KIAA1614: variants seen among roughly 807,000 people sequenced by gnomAD.
The protein encoded by KIAA1614 is KIAA1614.
Under a neutral mutation model 88.7 loss-of-function variants are expected in KIAA1614, and 76 were observed. That is an observed-to-expected ratio of 0.86 (90% CI 0.71 to 1.04). KIAA1614 has a LOEUF of 1.04. KIAA1614 is among the 50% of genes least tolerant of loss of function. The pLI is 0.00. For missense variants in KIAA1614, 1,553 were observed against 1,582.5 expected (o/e 0.98, Z 0.32); for synonymous variants, 714 against 675.5 (o/e 1.06, Z -0.88).
intron 4 of KIAA1614, among the ~76,000 whole-genome samples, chr1:180,932,428 A>G (rs1357647359): frequency 1.3e-5 from 2 of 152,246 alleles, no homozygotes; most frequent in South Asian, 2.1e-4. Context: ...AAAGATAAAT[A>G]TGTCATTCTA....
Position 180,913,117 on chromosome 1 carries a change from C to T in KIAA1614, c.-127C>T, listed in dbSNP as rs1653691595. 6 of 671,538 alleles carry T rather than the reference C, an allele frequency of 8.9e-6. No homozygotes were observed. Among genetic ancestry groups the T allele is most frequent in the Admixed American group, 4.5e-5 (1 of 22,212 alleles). The allele number at this position is 671,538 out of a possible 1,614,324, so 41.6% of individuals were successfully genotyped here. ...GTCCCGGACCCCCAGTCGGCCGCGCCCCGAGGGGCGAGGCCTGCGGGCCGC... is the reference window on the plus strand; with the variant it reads ...GTCCCGGACCCCCAGTCGGCCGCGCTCCGAGGGGCGAGGCCTGCGGGCCGC... On this transcript the variant is annotated 5_prime_UTR_variant, in exon 1 of 9. Coordinates refer to ENST00000367588, the MANE Select transcript of KIAA1614 (RefSeq NM_020950.2).
Position 180,916,946 on chromosome 1 carries a change from G to A in KIAA1614, c.843G>A (p.Leu281=). 6.2e-7 allele frequency: 1 copy of A among 1,614,250 alleles called. No individual in the cohort carries two copies. Among genetic ancestry groups the A allele is most frequent in the Non-Finnish European group, 8.5e-7 (1 of 1,180,052 alleles). The change falls in exon 2 of 9, where the codon CTG becomes CTA. Residue 281 remains leucine, a synonymous_variant. Coordinates refer to ENST00000367588, the MANE Select transcript of KIAA1614 (RefSeq NM_020950.2). ...LLGERWRAGD[L]EALGAGSSVL... ...GTGAGCGCTGGAGAGCTGGAGACCT[G>A]GAGGCTCTGGGCGCTGGGAGCAGTG... is the stretch of plus-strand genomic sequence containing the variant.
At chr1:180,930,368 G>A (rs372092155) in intron 4 of KIAA1614, among the ~76,000 whole-genome samples, 2 of 151,132 alleles carry the variant, frequency 1.3e-5, no homozygotes, top group African/African-American at 2.4e-5. Flanking sequence ...GCAGCGAGCC[G>A]AGATCACACC....
intron 7 of KIAA1614, among the ~76,000 whole-genome samples, chr1:180,943,028 G>T (rs59005734): frequency 0.2 from 2,854 of 14,076 alleles, 113 homozygotes; most frequent in African/African-American, 0.35. Context: ...AGTTTTTTGG[G>T]TTTTTTTTTT....
chr1:180,921,034 C>T (rs1162857169), intron 3 of KIAA1614, among the ~76,000 whole-genome samples: 2 of 152,250 alleles, frequency 1.3e-5, no homozygotes, highest in African/African-American at 2.4e-5. Context: ...CACGCACGTC[C>T]GTGTGAAAAG....
At chr1:180,942,640 T>G (rs556864615) in intron 7 of KIAA1614, among the ~76,000 whole-genome samples, 2 of 152,286 alleles carry the variant, frequency 1.3e-5, no homozygotes, top group Admixed American at 1.3e-4. Flanking sequence ...TGACTTGTGC[T>G]CGGGAAGCTC....
At chr1:180,915,984 T>C (rs1444153090) in intron 1 of KIAA1614, among the ~76,000 whole-genome samples, 170 bp from the exon 2 acceptor site, 3 of 152,080 alleles carry the variant, frequency 2.0e-5, no homozygotes, top group Non-Finnish European at 4.4e-5. Flanking sequence ...AACCAGTCCC[T>C]CTGGTGCCAA....
chr1:180,950,545 C>T lies in KIAA1614; in HGVS notation c.*4957C>T, dbSNP rs546271028. ...CTGTCCCACGGTGACCCAGAAGTGC[C>T]GCTGCCCTCACTGTCACGGCCTCGG... On this transcript the variant is annotated 3_prime_UTR_variant, in exon 9 of 9. Transcript: ENST00000367588. The T allele has an allele frequency of 2.1e-5, 23 of 1,083,856 alleles. No individual in the cohort carries two copies. The East Asian group carries it at 4.0e-4, about 19-fold the overall frequency. The allele number at this position is 1,083,856 out of a possible 1,614,324, so 67.1% of individuals were successfully genotyped here.
chr1:180,938,465 C>T (rs1654379362), intron 5 of KIAA1614, 90 bp from the exon 6 acceptor site: 1 of 1,421,634 alleles, frequency 7.0e-7, no homozygotes, highest in African/African-American at 1.4e-5. Flanking sequence ...TTCTTCTCAC[C>T]CTCCCCCTGT....
At chr1:180,929,181 A>G (rs534666228) in intron 4 of KIAA1614, among the ~76,000 whole-genome samples, 2 of 152,378 alleles carry the variant, frequency 1.3e-5, no homozygotes, top group East Asian at 3.9e-4. Flanking sequence ...TGCCTGTCTT[A>G]CAGGGTTGCT....
At chr1:180,930,687 T>G (rs1654178589) in intron 4 of KIAA1614, among the ~76,000 whole-genome samples, 2 of 152,224 alleles carry the variant, frequency 1.3e-5, no homozygotes, top group Admixed American at 1.3e-4. Context: ...GTAGGCTCCC[T>G]TTTGCAGGCT....
rs1571291250 is a variant in KIAA1614, at chr1:180,928,569, A to G, written c.1201A>G (p.Ser401Gly). 1 of 1,611,598 alleles carries G rather than the reference A, an allele frequency of 6.2e-7. No homozygotes were observed. Among genetic ancestry groups the G allele is most frequent in the Non-Finnish European group, 8.5e-7 (1 of 1,179,024 alleles). Residue 401 changes from serine to glycine, a missense_variant, in exon 4 of 9, where the codon AGC (serine) becomes GGC (glycine). By Grantham distance (56) the Ser-to-Gly change is moderately conservative (BLOSUM62 0). Coordinates refer to ENST00000367588, the MANE Select transcript of KIAA1614 (RefSeq NM_020950.2). ...CATCGTGCCCACCATTACCCAGGGCAGCCGGTGAGTGGGACCTGGGCCAGG... is the reference window on the plus strand; with the variant it reads ...CATCGTGCCCACCATTACCCAGGGCGGCCGGTGAGTGGGACCTGGGCCAGG... ...HDIVPTITQGSRDGHRSPARD... is the reference protein window; with the variant it reads ...HDIVPTITQGGRDGHRSPARD...
chr1:180,930,786 G>T (rs1654180390), intron 4 of KIAA1614, among the ~76,000 whole-genome samples: 2 of 152,238 alleles, frequency 1.3e-5, no homozygotes, highest in South Asian at 4.1e-4. Context: ...TGACTTGGCA[G>T]CGCTGGCGAA....
chr1:180,939,122 G>A (rs1040797979), intron 6 of KIAA1614, among the ~76,000 whole-genome samples: 1 of 152,172 alleles, frequency 6.6e-6, no homozygotes, highest in African/African-American at 2.4e-5. Flanking sequence ...GGGGGAGAAG[G>A]GGGGAGTGGG....
At chr1:180,923,839 C>T (rs1231749066) in intron 3 of KIAA1614, among the ~76,000 whole-genome samples, 1 of 151,946 alleles carries the variant, frequency 6.6e-6, no homozygotes. Flanking sequence ...CCCCAGGGCA[C>T]GGGTGTAACC....
At chr1:180,914,317 C>G (rs955024626) in intron 1 of KIAA1614, among the ~76,000 whole-genome samples, 4 of 152,244 alleles carry the variant, frequency 2.6e-5, no homozygotes, top group African/African-American at 9.6e-5. Flanking sequence ...AGCCATGCTG[C>G]TAAGGATCTG....
intron 3 of KIAA1614, among the ~76,000 whole-genome samples, chr1:180,924,628 C>G (rs989884267): frequency 6.6e-6 from 1 of 152,144 alleles, no homozygotes; most frequent in African/African-American, 2.4e-5. Flanking sequence ...TCCTCCATGA[C>G]CAATTGGCCA....
At chr1:180,919,617 T>G (rs933687962) in intron 3 of KIAA1614, among the ~76,000 whole-genome samples, 30 of 152,016 alleles carry the variant, frequency 2.0e-4, no homozygotes, top group African/African-American at 6.8e-4. Flanking sequence ...AAGGGCCCAG[T>G]GGGGAGATGC....
chr1:180,913,136 G>A lies in KIAA1614; in HGVS notation c.-108G>A, dbSNP rs1472672197. The A allele has an allele frequency of 9.1e-6, 8 of 875,268 alleles. No homozygotes were observed. Among genetic ancestry groups the A allele is most frequent in the Non-Finnish European group, 1.2e-5 (8 of 659,514 alleles). The allele number at this position is 875,268 out of a possible 1,614,324, so 54.2% of individuals were successfully genotyped here. A position where few individuals can be genotyped will look rare whatever the true frequency, so the allele number is the denominator to read the frequency against. ...CCGCGCCCCGAGGGGCGAGGCCTGC[G>A]GGCCGCACTCCCTCCGGCCCCGGAT... On this transcript the variant is annotated 5_prime_UTR_variant, in exon 1 of 9. Transcript: ENST00000367588.
Sources: allele counts gnomAD v4.1 joint callset (sites outside exome capture counted in the v4.1 genomes callset), GRCh38; gene constraint gnomAD v4.1.1; transcripts MANE v1.5; gene names NCBI Gene and HGNC (gene_info 2026-07-23, HGNC 2026-07-21).